The following NBEA variants were observed in gnomAD, a reference collection of about 807,000 sequenced individuals.
NBEA encodes the protein lysosomal-trafficking regulator 2.
A neutral mutation model predicts 343.4 loss-of-function variants in NBEA; 44 were observed. The observed-to-expected ratio is 0.13, with a 90% CI of 0.10 to 0.16. The LOEUF is 0.16. Ranked by LOEUF, NBEA falls within the 10% of genes least tolerant of loss-of-function variation. NBEA has a pLI of 1.00. For synonymous variants in NBEA, 1,175 were observed against 1,238.7 expected (o/e 0.95, Z 1.08); for missense variants, 2,555 against 3,631.3 (o/e 0.70, Z 7.62).
At chr13:35,062,244 G>A (rs1302451509) in intron 8 of NBEA, among the ~76,000 whole-genome samples, 2 of 151,666 alleles carry the variant, frequency 1.3e-5, no homozygotes, top group African/African-American at 4.8e-5. Context: ...TTAAAAATAA[G>A]CTGTATGGGC....
intron 38 of NBEA, among the ~76,000 whole-genome samples, chr13:35,365,780 C>G (rs192913383): frequency 6.6e-6 from 1 of 151,338 alleles, no homozygotes; most frequent in Non-Finnish European, 1.5e-5. Context: ...GAATTCTGAC[C>G]GCCTTTTTCT....
At chr13:35,094,050 A>C (rs2065213169) in intron 10 of NBEA, among the ~76,000 whole-genome samples, 1 of 151,940 alleles carries the variant, frequency 6.6e-6, no homozygotes, top group Non-Finnish European at 1.5e-5. Context: ...TTTTCCTCAG[A>C]AGACAAATTG....
chr13:35,252,002 A>G (rs1347114062), intron 34 of NBEA, among the ~76,000 whole-genome samples: 1 of 152,204 alleles, frequency 6.6e-6, no homozygotes, highest in African/African-American at 2.4e-5. Context: ...TACTCTATCA[A>G]ATGAAGCACT....
At position 35,557,888 on chromosome 13, in the gene NBEA, G is replaced by A. The variant is rs1050566018; in HGVS notation, c.6922+2786G>A. On this transcript the variant is annotated intron_variant, in intron 44 of 58. Transcript: ENST00000379939. ...TTTCTGCTAGTTGTATATATATGGT[G>A]TATTCAGTGGACAGAATTATCATAC... Among the ~76,000 whole-genome samples, 4 of 152,048 alleles carry A rather than the reference G, an allele frequency of 2.6e-5. 1 individual carries two copies. Among genetic ancestry groups the A allele is most frequent in the Admixed American group, 2.0e-4 (3 of 15,254 alleles).
At chr13:35,404,717 A>G (rs1273899200) in intron 38 of NBEA, among the ~76,000 whole-genome samples, 1 of 151,692 alleles carries the variant, frequency 6.6e-6, no homozygotes. Context: ...ACTAACCTGC[A>G]CATTGTGCAC....
At chr13:35,002,219 A>G (rs2061165394) in intron 1 of NBEA, among the ~76,000 whole-genome samples, 1 of 152,174 alleles carries the variant, frequency 6.6e-6, no homozygotes, top group South Asian at 2.1e-4. Flanking sequence ...TTGTGGGTAC[A>G]AGGAGACTGT....
chr13:35,150,485 G>T (rs755129527), intron 18 of NBEA, among the ~76,000 whole-genome samples: 2 of 151,990 alleles, frequency 1.3e-5, no homozygotes, highest in Admixed American at 6.6e-5. Flanking sequence ...TGTGTGATGG[G>T]TATCAATTTA....
At position 35,153,066 on chromosome 13, in the gene NBEA, C is replaced by G. The variant is rs577326428; in HGVS notation, c.2446-2708C>G. Among the ~76,000 whole-genome samples, 83 of 131,144 alleles carry G rather than the reference C, an allele frequency of 6.3e-4. 2 individuals carry two copies. The South Asian group carries it at 0.02, about 32-fold the overall frequency. The allele number at this position is 131,144 out of a possible 152,430, so 86.0% of individuals were successfully genotyped here. ...TTTTTTTTTTTTTTTGAGACAGAGT[C>G]TCACTCTGTCGCCCAGGCTGCAGTG... is the stretch of plus-strand genomic sequence containing the variant. On this transcript the variant is annotated intron_variant, in intron 18 of 58. Coordinates refer to ENST00000379939, the MANE Select transcript of NBEA (RefSeq NM_001385012.1).
chr13:34,954,461 T>C (rs746568442), intron 1 of NBEA, among the ~76,000 whole-genome samples: 12 of 152,210 alleles, frequency 7.9e-5, no homozygotes, highest in Non-Finnish European at 1.8e-4. Context: ...GTTTGCTTGT[T>C]TCAGTCATAT....
intron 38 of NBEA, among the ~76,000 whole-genome samples, chr13:35,367,554 G>T (rs943423930): frequency 1.3e-4 from 19 of 143,644 alleles, no homozygotes; most frequent in African/African-American, 4.0e-4. Flanking sequence ...TGTTGTTGTT[G>T]TTTTTTTTTT....
At chr13:35,129,157 A>G (rs201809902) in intron 17 of NBEA, among the ~76,000 whole-genome samples, 1 of 152,114 alleles carries the variant, frequency 6.6e-6, no homozygotes, top group South Asian at 2.1e-4. Context: ...ATATGTATAC[A>G]TATGTAACAA....
chr13:35,546,057 C>CAAAT (rs56000361), intron 41 of NBEA, among the ~76,000 whole-genome samples: 98,982 of 151,372 alleles, frequency 0.65, 34,692 homozygotes, highest in Non-Finnish European at 0.78. Flanking sequence ...ATTAAACAAA[C>CAAAT]ATATATGGAG....
intron 10 of NBEA, among the ~76,000 whole-genome samples, chr13:35,092,907 A>G (rs960209269): frequency 1.1e-4 from 16 of 152,102 alleles, no homozygotes; most frequent in African/African-American, 3.4e-4. Context: ...GAATGTTTAT[A>G]GTAGCCTTAT....
At position 35,445,816 on chromosome 13, in the gene NBEA, A is replaced by G. The variant is rs1271466503; in HGVS notation, c.6305-6276A>G. Among the ~76,000 whole-genome samples, 24 of 100,398 alleles carry G rather than the reference A, an allele frequency of 2.4e-4. No homozygotes were observed. In the South Asian group the frequency reaches 4.0e-3, roughly 17 times the overall value. The allele number at this position is 100,398 out of a possible 152,430, so 65.9% of individuals were successfully genotyped here. A position where few individuals can be genotyped will look rare whatever the true frequency, so the allele number is the denominator to read the frequency against. ...TATATATATATATATATATATATAT[A>G]TGTATATATATATATTATATTTGAA... is the stretch of plus-strand genomic sequence containing the variant. On this transcript the variant is annotated intron_variant, in intron 39 of 58. Transcript: ENST00000379939.
intron 38 of NBEA, among the ~76,000 whole-genome samples, chr13:35,374,366 C>T (rs978374880): frequency 2.0e-5 from 3 of 152,132 alleles, no homozygotes; most frequent in Admixed American, 2.0e-4. Context: ...TCAAAGATCA[C>T]TAATCACAGA....
At chr13:35,406,484 T>C (rs142479442) in intron 38 of NBEA, among the ~76,000 whole-genome samples, 327 of 152,214 alleles carry the variant, frequency 2.1e-3, no homozygotes, top group Non-Finnish European at 3.5e-3. Context: ...AGTCCCCAAG[T>C]CCATTGTATC....
rs147410730 is a variant in NBEA at position 34,996,464 on chromosome 13, TTGTGTG to T, written c.295-44457_295-44452del. 8.0e-5 allele frequency among the ~76,000 whole-genome samples: 12 copies of T among 150,550 alleles called. No homozygotes were observed. The South Asian group carries it at 1.7e-3, about 21-fold the overall frequency. On this transcript the variant is annotated intron_variant, in intron 1 of 58. Coordinates refer to ENST00000379939, the MANE Select transcript of NBEA (RefSeq NM_001385012.1). The stretch of plus-strand genomic sequence containing the variant: ...GGAGTTGGGCTTTTCACCTCTGCGT[TTGTGTG>T]TGTGTGTGTGTATATATATAATTGT...
intron 40 of NBEA, among the ~76,000 whole-genome samples, chr13:35,458,318 G>T (rs768611395): frequency 4.6e-5 from 7 of 152,120 alleles, no homozygotes; most frequent in Non-Finnish European, 7.3e-5. Flanking sequence ...CATTGTAGCT[G>T]TTCTTCCATG....
At chr13:34,951,402 A>AT (rs1193979045) in intron 1 of NBEA, among the ~76,000 whole-genome samples, 2 of 152,234 alleles carry the variant, frequency 1.3e-5, no homozygotes, top group Non-Finnish European at 2.9e-5. Flanking sequence ...TGCTTGGTAT[A>AT]TAGTAAACTT....
Sources: allele counts gnomAD v4.1 joint callset (sites outside exome capture counted in the v4.1 genomes callset), GRCh38; gene constraint gnomAD v4.1.1; transcripts MANE v1.5; gene names NCBI Gene and HGNC (gene_info 2026-07-23, HGNC 2026-07-21).